RNGTT: variants seen among roughly 807,000 people sequenced by gnomAD.
RNGTT encodes the protein RNA guanylyltransferase and 5'-phosphatase, also known as mRNA-capping enzyme.
In RNGTT, 33 loss-of-function variants were observed where a neutral mutation model predicts 79.3. That is an observed-to-expected ratio of 0.42 (90% CI 0.32 to 0.56). The LOEUF (loss-of-function observed/expected upper bound fraction) is 0.56. Ranked by LOEUF, RNGTT falls within the 20% of genes least tolerant of loss-of-function variation. The pLI, the probability that RNGTT is intolerant of heterozygous loss-of-function variation, is 0.17. For synonymous variants in RNGTT, 222 were observed against 235.9 expected (o/e 0.94, Z 0.54); for missense variants, 497 against 739.1 (o/e 0.67, Z 3.80).
intron 13 of RNGTT, among the ~76,000 whole-genome samples, chr6:88,737,978 T>A (rs182642863): frequency 1.3e-5 from 2 of 152,258 alleles, no homozygotes; most frequent in South Asian, 2.1e-4. Flanking sequence ...AGGCTTCACA[T>A]AGTGATTTCC....
intron 8 of RNGTT, among the ~76,000 whole-genome samples, chr6:88,881,929 C>T (rs1236694873): frequency 6.6e-6 from 1 of 152,198 alleles, no homozygotes; most frequent in Non-Finnish European, 1.5e-5. Context: ...CTTACTAATT[C>T]TCTATAAGAT....
At chr6:88,889,043 A>G (rs867236200) in intron 8 of RNGTT, among the ~76,000 whole-genome samples, 17 of 152,302 alleles carry the variant, frequency 1.1e-4, no homozygotes, top group Middle Eastern at 3.4e-3. Context: ...AATAATAATA[A>G]TAATAAAAAC....
At chr6:88,647,715 A>AAAAAAAAAAAAAAAAAAG (rs531898293) in intron 14 of RNGTT, among the ~76,000 whole-genome samples, 1 of 142,510 alleles carries the variant, frequency 7.0e-6, no homozygotes, top group African/African-American at 3.0e-5. Context: ...AAAAAAAAAA[A>AAAAAAAAAAAAAAAAAAG]AAGAAGAAGA....
intron 13 of RNGTT, among the ~76,000 whole-genome samples, chr6:88,689,836 A>T (rs1673554666): frequency 6.6e-6 from 1 of 151,494 alleles, no homozygotes; most frequent in South Asian, 2.1e-4. Context: ...TATATTGCAT[A>T]GTCTCAAAGT....
intron 12 of RNGTT, among the ~76,000 whole-genome samples, chr6:88,771,344 TATATATACACACAC>T (rs1347958563): frequency 1.9e-4 from 25 of 131,250 alleles, no homozygotes; most frequent in African/African-American, 5.5e-4. Context: ...TATATATATA[TATATATACACACAC>T]ACACACACAC....
At chr6:88,709,696 A>C (rs1776257160) in intron 13 of RNGTT, among the ~76,000 whole-genome samples, 1 of 152,222 alleles carries the variant, frequency 6.6e-6, no homozygotes, top group African/African-American at 2.4e-5. Context: ...TTTTTGCATC[A>C]AATCTTCAAA....
At chr6:88,906,488 G>A (rs1783658612) in intron 4 of RNGTT, 48 bp from the exon 5 acceptor site, 2 of 1,111,952 alleles carry the variant, frequency 1.8e-6, no homozygotes, top group Admixed American at 2.6e-5. Flanking sequence ...CACTGCAGAG[G>A]CCACATTTAC....
At chr6:88,622,732 T>C (rs531662102) in intron 14 of RNGTT, among the ~76,000 whole-genome samples, 1 of 152,210 alleles carries the variant, frequency 6.6e-6, no homozygotes, top group African/African-American at 2.4e-5. Context: ...ACCATCTACA[T>C]GTGAATAACT....
At chr6:88,953,376 C>A (rs1015586742) in intron 1 of RNGTT, among the ~76,000 whole-genome samples, 2 of 151,970 alleles carry the variant, frequency 1.3e-5, no homozygotes, top group African/African-American at 4.8e-5. Flanking sequence ...GAAAGTACTT[C>A]AGAGCTCGAA....
chr6:88,644,157 T>C (rs1294835600), intron 14 of RNGTT, among the ~76,000 whole-genome samples: 2 of 151,886 alleles, frequency 1.3e-5, no homozygotes, highest in East Asian at 3.9e-4. Flanking sequence ...CAATAAAAAA[T>C]GACAAAGGGG....
chr6:88,632,308 A>G (rs1024239654), intron 14 of RNGTT, among the ~76,000 whole-genome samples: 9 of 152,156 alleles, frequency 5.9e-5, no homozygotes, highest in African/African-American at 1.9e-4. Flanking sequence ...CAGAAAGCCT[A>G]TAACTTATCC....
chr6:88,651,059 A>G (rs1773777304), intron 14 of RNGTT, among the ~76,000 whole-genome samples: 1 of 152,026 alleles, frequency 6.6e-6, no homozygotes, highest in Non-Finnish European at 1.5e-5. Context: ...TGAGCAGCAG[A>G]GGTGAGATTA....
intron 12 of RNGTT, among the ~76,000 whole-genome samples, chr6:88,776,924 C>T (rs1037792363): frequency 6.6e-6 from 1 of 152,084 alleles, no homozygotes; most frequent in Non-Finnish European, 1.5e-5. Context: ...AAGATCATTG[C>T]CAAGACCAAC....
At chr6:88,962,764 C>T (rs909332801) in intron 1 of RNGTT, among the ~76,000 whole-genome samples, 7 of 151,820 alleles carry the variant, frequency 4.6e-5, no homozygotes, top group Non-Finnish European at 8.8e-5. Flanking sequence ...TATATATATA[C>T]TTTAATAAAT....
chr6:88,705,829 T>C (rs1340297286), intron 13 of RNGTT, among the ~76,000 whole-genome samples: 1 of 152,130 alleles, frequency 6.6e-6, no homozygotes, highest in African/African-American at 2.4e-5. Context: ...GTTATTATTA[T>C]GGAACTCAAA....
chr6:88,810,683 T>G (rs1240334517), intron 11 of RNGTT, among the ~76,000 whole-genome samples: 1 of 152,238 alleles, frequency 6.6e-6, no homozygotes, highest in African/African-American at 2.4e-5. Flanking sequence ...GATATTACAT[T>G]CAAAAAATAA....
chr6:88,626,627 T>C (rs1385957370), intron 14 of RNGTT, among the ~76,000 whole-genome samples: 1 of 152,076 alleles, frequency 6.6e-6, no homozygotes, highest in South Asian at 2.1e-4. Context: ...TCATCTCTGC[T>C]GTTTGCTATT....
chr6:88,811,603 G>C (rs1475850933), intron 11 of RNGTT, among the ~76,000 whole-genome samples: 2 of 152,130 alleles, frequency 1.3e-5, no homozygotes, highest in African/African-American at 2.4e-5. Context: ...GCATAGAAAG[G>C]AGCCTTTTAA....
At chr6:88,938,313 A>G (rs1284925735) in intron 2 of RNGTT, among the ~76,000 whole-genome samples, 3 of 151,816 alleles carry the variant, frequency 2.0e-5, no homozygotes, top group Non-Finnish European at 4.4e-5. Flanking sequence ...ACTGTTTTTG[A>G]CTTAAAGTCT....
Sources: allele counts gnomAD v4.1 joint callset (sites outside exome capture counted in the v4.1 genomes callset), GRCh38; gene constraint gnomAD v4.1.1; transcripts MANE v1.5; gene names NCBI Gene and HGNC (gene_info 2026-07-23, HGNC 2026-07-21).